Variants in NEDD8 observed in about 807,000 individuals in gnomAD.
NEDD8 encodes the protein ubiquitin-like protein NEDD8.
NEDD8 carries 1 observed loss-of-function variant against 13.8 expected under a neutral mutation model. The observed-to-expected ratio is 0.07, with a 90% CI of 0.03 to 0.34. The LOEUF (loss-of-function observed/expected upper bound fraction) is 0.34. Ranked by LOEUF, NEDD8 falls within the 10% of genes least tolerant of loss-of-function variation. The pLI is 0.99. For missense variants in NEDD8, 10 were observed against 95.2 expected (o/e 0.10, Z 3.73); for synonymous variants, 31 against 33.2 (o/e 0.93, Z 0.23).
chr14:24,222,921 A>G (rs568134005), intron 1 of NEDD8, among the ~76,000 whole-genome samples: 11 of 151,864 alleles, frequency 7.2e-5, no homozygotes, highest in Non-Finnish European at 1.2e-4. Flanking sequence ...CCCCATCTCT[A>G]CTAAAAATAC....
intron 1 of NEDD8, among the ~76,000 whole-genome samples, chr14:24,224,618 T>A (rs567758151): frequency 6.6e-6 from 1 of 152,252 alleles, no homozygotes; most frequent in South Asian, 2.1e-4. Flanking sequence ...TTTTGGACAC[T>A]GTTCAAATAT....
At chr14:24,230,202 G>A (rs149778438) in intron 1 of NEDD8, among the ~76,000 whole-genome samples, 2,094 of 129,246 alleles carry the variant, frequency 0.016, 54 homozygotes, top group African/African-American at 0.048. Context: ...CCTGGCAACA[G>A]AGTGAGACTC....
chr14:24,216,968 A>G lies in NEDD8; in HGVS notation c.*159T>C. 1.6e-6 allele frequency: 1 copy of G among 637,530 alleles called. No individual in the cohort carries two copies. Among genetic ancestry groups the G allele is most frequent in the Non-Finnish European group, 2.7e-6 (1 of 366,840 alleles). 39.5% of individuals were successfully genotyped at this position (637,530 alleles called of 1,614,324 possible). On this transcript the variant is annotated 3_prime_UTR_variant, in exon 4 of 4. Coordinates refer to ENST00000250495, the MANE Select transcript of NEDD8 (RefSeq NM_006156.3). ...GTAGCCAGCAAGGGCCCTCTGGGCCAGGAATACTGAATCCTGGGATCCTCA... is the reference window on the plus strand; with the variant it reads ...GTAGCCAGCAAGGGCCCTCTGGGCCGGGAATACTGAATCCTGGGATCCTCA...
chr14:24,219,842 T>C (rs2138884027), intron 1 of NEDD8, among the ~76,000 whole-genome samples: 1 of 152,230 alleles, frequency 6.6e-6, no homozygotes, highest in African/African-American at 2.4e-5. Flanking sequence ...ACCCCTTAAA[T>C]GTAAGATCTC....
At chr14:24,231,286 T>A (rs1177776616) in intron 1 of NEDD8, among the ~76,000 whole-genome samples, 2 of 152,204 alleles carry the variant, frequency 1.3e-5, no homozygotes, top group African/African-American at 4.8e-5. Context: ...AAAAAAATCA[T>A]CTTTAACATA....
rs1253617787 is a variant in NEDD8 at position 24,216,986 on chromosome 14, G to A, written c.*141C>T. The A allele has an allele frequency of 4.3e-6, 3 of 693,600 alleles. No individual in the cohort carries two copies. Among genetic ancestry groups the A allele is most frequent in the Admixed American group, 6.2e-5 (2 of 32,274 alleles). 43.0% of individuals were successfully genotyped at this position (693,600 alleles called of 1,614,324 possible). On this transcript the variant is annotated 3_prime_UTR_variant, in exon 4 of 4. Transcript: ENST00000250495. ...CTGGGCCAGGAATACTGAATCCTGG[G>A]ATCCTCACAGTCTCCCACCAGTAGA... is the stretch of plus-strand genomic sequence containing the variant.
chr14:24,221,974 A>G (rs189835268), intron 1 of NEDD8, among the ~76,000 whole-genome samples: 2 of 152,344 alleles, frequency 1.3e-5, no homozygotes, highest in East Asian at 3.9e-4. Flanking sequence ...CTTGGACCTT[A>G]TATTTTTAAA....
At position 24,217,096 on chromosome 14, in the gene NEDD8, G is replaced by C; in HGVS notation, c.*31C>G. The C allele has an allele frequency of 6.4e-7, 1 of 1,565,334 alleles. No homozygotes were observed. Among genetic ancestry groups the C allele is most frequent in the Non-Finnish European group, 8.8e-7 (1 of 1,141,680 alleles). ...GGATATATGATGCCTCATTATGAGC[G>C]ACAGGGTAAAGAGGTAAAATGGAGG... On this transcript the variant is annotated 3_prime_UTR_variant, in exon 4 of 4. Transcript: ENST00000250495.
In NEDD8 at chr14:24,216,911, G is replaced by C. The variant is rs11538589; in HGVS notation, c.*216C>G. On this transcript the variant is annotated 3_prime_UTR_variant, in exon 4 of 4. Transcript: ENST00000250495. ...CAACCAGGGACACAGTCATAAGAGAGGGAAGCACACAGGACTGCAAACTAA... is the reference window on the plus strand; with the variant it reads ...CAACCAGGGACACAGTCATAAGAGACGGAAGCACACAGGACTGCAAACTAA... 1 of 531,400 alleles carries C rather than the reference G, an allele frequency of 1.9e-6. No individual in the cohort carries two copies. Among genetic ancestry groups the C allele is most frequent in the South Asian group, 2.9e-5 (1 of 34,856 alleles). The allele number at this position is 531,400 out of a possible 1,614,324, so 32.9% of individuals were successfully genotyped here.
At chr14:24,217,716 A>G (rs950102665) in intron 3 of NEDD8, 1 of 172,370 alleles carries the variant, frequency 5.8e-6, no homozygotes, top group African/African-American at 2.4e-5. Context: ...CTTTAAACAT[A>G]GCCCAAAAAC....
chr14:24,231,331 A>T (rs1309498933), intron 1 of NEDD8, among the ~76,000 whole-genome samples: 5 of 152,300 alleles, frequency 3.3e-5, no homozygotes, highest in East Asian at 1.9e-4. Context: ...CTTAGCTAAG[A>T]AGTAGTTTGG....
At chr14:24,218,841 G>C (rs548766791) in intron 1 of NEDD8, 1 of 228,130 alleles carries the variant, frequency 4.4e-6, no homozygotes, top group African/African-American at 2.3e-5. Context: ...CTGCCTCCCA[G>C]GTTCAACCAA....
intron 1 of NEDD8, among the ~76,000 whole-genome samples, chr14:24,224,072 C>G (rs35839918): frequency 6.6e-6 from 1 of 151,736 alleles, no homozygotes. Context: ...GGACTACAGG[C>G]GCCCGCCACT....
chr14:24,232,200 GC>G, intron 1 of NEDD8, 49 bp downstream of exon 1: 1 of 1,613,300 alleles, frequency 6.2e-7, no homozygotes, highest in Non-Finnish European at 8.5e-7. Flanking sequence ...GTAAGGCACT[GC>G]TGCCAGCCCA....
intron 1 of NEDD8, among the ~76,000 whole-genome samples, chr14:24,225,619 T>C (rs1486367384): frequency 6.6e-6 from 1 of 152,254 alleles, no homozygotes; most frequent in Non-Finnish European, 1.5e-5. Flanking sequence ...CACCCTTCTC[T>C]TTCCTGATGT....
intron 1 of NEDD8, among the ~76,000 whole-genome samples, chr14:24,226,172 T>C (rs925481608): frequency 6.6e-6 from 1 of 151,204 alleles, no homozygotes; most frequent in Admixed American, 6.6e-5. Flanking sequence ...CAATTAGACA[T>C]AAAATTAATA....
intron 1 of NEDD8, chr14:24,232,043 A>G: frequency 7.3e-6 from 5 of 683,582 alleles, no homozygotes; most frequent in Non-Finnish European, 1.2e-5. Context: ...ATGGCAAAAT[A>G]CCCCAGGGTC....
intron 1 of NEDD8, among the ~76,000 whole-genome samples, chr14:24,224,760 C>T (rs1471357796): frequency 2.0e-5 from 3 of 152,168 alleles, no homozygotes; most frequent in African/African-American, 7.2e-5. Flanking sequence ...TACCACATCA[C>T]CACCTATGAA....
intron 1 of NEDD8, 26 bp downstream of exon 1, chr14:24,232,224 C>T (rs750787856): frequency 1.4e-5 from 22 of 1,614,024 alleles, no homozygotes; most frequent in Non-Finnish European, 1.9e-5. Context: ...ACTACTGCGT[C>T]TTGGCAAGGC....
Sources: gnomAD v4.1 joint callset for allele counts (sites outside exome capture counted in the v4.1 genomes callset) on GRCh38, gnomAD v4.1.1 for gene constraint, MANE v1.5 for transcripts, NCBI Gene and HGNC (gene_info 2026-07-23, HGNC 2026-07-21) for gene names.